Variants in TMEFF2 observed in about 807,000 individuals in gnomAD.
The protein encoded by TMEFF2 is transmembrane protein with EGF like and two follistatin like domains 2.
Under a neutral mutation model 53.8 loss-of-function variants are expected in TMEFF2, and 28 were observed. The ratio of observed to expected loss-of-function variants is 0.52; its 90% confidence interval spans 0.39 to 0.71. The LOEUF (loss-of-function observed/expected upper bound fraction) is 0.71, where lower values mean the gene tolerates loss of function less well. TMEFF2 is among the 30% of genes least tolerant of loss of function. TMEFF2 has a pLI of 0.00. For synonymous variants in TMEFF2, 162 were observed against 166.3 expected, an observed-to-expected ratio of 0.97 and a Z score of 0.20; for missense variants, 353 against 455.2, an observed-to-expected ratio of 0.78 and a Z score of 2.04.
intron 2 of TMEFF2, among the ~76,000 whole-genome samples, chr2:192,186,702 C>T (rs2106043557): frequency 6.6e-6 from 1 of 152,266 alleles, no homozygotes; most frequent in East Asian, 1.9e-4. Context: ...ACCTTTCAAT[C>T]TCCATCTCCA....
At chr2:191,978,035 C>T (rs1685772601) in intron 7 of TMEFF2, among the ~76,000 whole-genome samples, 1 of 152,170 alleles carries the variant, frequency 6.6e-6, no homozygotes, top group Non-Finnish European at 1.5e-5. Context: ...CATGTCAGCA[C>T]TTTTAGCAGA....
chr2:192,101,453 T>C (rs1689029967), intron 4 of TMEFF2, among the ~76,000 whole-genome samples: 2 of 152,240 alleles, frequency 1.3e-5, no homozygotes, highest in Admixed American at 1.3e-4. Context: ...TGGTATTTGT[T>C]AACTTTTTAA....
chr2:192,121,648 T>C (rs928968176), intron 4 of TMEFF2, among the ~76,000 whole-genome samples: 1 of 152,208 alleles, frequency 6.6e-6, no homozygotes, highest in Admixed American at 6.5e-5. Flanking sequence ...GTAATACTGC[T>C]GGTTTTAGGA....
intron 7 of TMEFF2, among the ~76,000 whole-genome samples, chr2:191,990,317 T>C (rs1490620050): frequency 6.6e-6 from 1 of 152,158 alleles, no homozygotes; most frequent in Non-Finnish European, 1.5e-5. Flanking sequence ...ATCATTAAGA[T>C]GTGAGAACTG....
chr2:192,084,458 A>C (rs1308385277), intron 4 of TMEFF2, among the ~76,000 whole-genome samples: 1 of 152,144 alleles, frequency 6.6e-6, no homozygotes, highest in East Asian at 1.9e-4. Flanking sequence ...TCCATGTAAA[A>C]AAAAGGGCAA....
chr2:192,190,017 C>T (rs1209213446), intron 2 of TMEFF2, among the ~76,000 whole-genome samples: 1 of 152,206 alleles, frequency 6.6e-6, no homozygotes, highest in Non-Finnish European at 1.5e-5. Context: ...ACTCCCCCAT[C>T]TATTCCACTT....
chr2:191,974,268 T>TTGTGTG (rs1419946920), intron 7 of TMEFF2, among the ~76,000 whole-genome samples: 1 of 150,072 alleles, frequency 6.7e-6, no homozygotes, highest in Non-Finnish European at 1.5e-5. Context: ...AGAATTTTTT[T>TTGTGTG]TGTGTGTGTG....
At chr2:192,163,239 G>A (rs1019081944) in intron 4 of TMEFF2, among the ~76,000 whole-genome samples, 4 of 152,142 alleles carry the variant, frequency 2.6e-5, no homozygotes, top group South Asian at 2.1e-4. Flanking sequence ...TAGGTAAAGC[G>A]CTATTGTGTG....
intron 4 of TMEFF2, among the ~76,000 whole-genome samples, chr2:192,111,664 A>C (rs1270458745): frequency 1.3e-5 from 2 of 152,198 alleles, no homozygotes; most frequent in African/African-American, 4.8e-5. Flanking sequence ...GCCAAATGTT[A>C]ATTGCCAAGA....
At chr2:192,131,254 C>A (rs561251485) in intron 4 of TMEFF2, among the ~76,000 whole-genome samples, 2 of 148,310 alleles carry the variant, frequency 1.3e-5, no homozygotes, top group African/African-American at 5.0e-5. Flanking sequence ...GTACCCCAAC[C>A]CCTTCTCTCA....
At chr2:192,114,984 C>A (rs1439180397) in intron 4 of TMEFF2, among the ~76,000 whole-genome samples, 1 of 151,814 alleles carries the variant, frequency 6.6e-6, no homozygotes, top group Non-Finnish European at 1.5e-5. Context: ...TCTTTGTCAA[C>A]TAAATATTTT....
intron 4 of TMEFF2, among the ~76,000 whole-genome samples, chr2:192,124,845 A>G (rs1689639322): frequency 1.3e-5 from 2 of 152,184 alleles, no homozygotes; most frequent in South Asian, 4.1e-4. Context: ...CCTCATTTCC[A>G]TAATTTGTCC....
chr2:191,971,671 A>G lies in TMEFF2; in HGVS notation c.746-15293T>C, dbSNP rs550071686. On this transcript the variant is annotated intron_variant, in intron 7 of 9. Coordinates refer to ENST00000272771, the MANE Select transcript of TMEFF2 (RefSeq NM_016192.4). ...CTACTCACACCTAATTAATTCATCAATAATATTCATTCATTTAAAATATTG... is the reference window on the plus strand; with the variant it reads ...CTACTCACACCTAATTAATTCATCAGTAATATTCATTCATTTAAAATATTG... Among the ~76,000 whole-genome samples, 9 of 152,316 alleles carry G rather than the reference A, an allele frequency of 5.9e-5. No homozygotes were observed. In the South Asian group the frequency reaches 1.9e-3, roughly 32 times the overall value.
chr2:192,192,207 T>C (rs548591567), intron 1 of TMEFF2, among the ~76,000 whole-genome samples: 1 of 152,346 alleles, frequency 6.6e-6, no homozygotes, highest in Admixed American at 6.5e-5. Context: ...AATTCTCCTT[T>C]AGTATCCTTT....
intron 2 of TMEFF2, among the ~76,000 whole-genome samples, chr2:192,189,124 C>T (rs991972777): frequency 2.5e-4 from 38 of 152,070 alleles, no homozygotes; most frequent in Non-Finnish European, 1.6e-4. Context: ...TATTTAAAAT[C>T]GTCTAAGAGA....
At chr2:192,060,264 G>A (rs957575030) in intron 4 of TMEFF2, among the ~76,000 whole-genome samples, 2 of 152,108 alleles carry the variant, frequency 1.3e-5, no homozygotes, top group Non-Finnish European at 2.9e-5. Flanking sequence ...AGCACCTAGA[G>A]GTTTAGTTAA....
intron 4 of TMEFF2, among the ~76,000 whole-genome samples, chr2:192,146,673 T>A (rs957733984): frequency 6.6e-6 from 1 of 151,984 alleles, no homozygotes; most frequent in East Asian, 1.9e-4. Context: ...GTGTAAGTTA[T>A]TCTCCAATTG....
intron 5 of TMEFF2, among the ~76,000 whole-genome samples, chr2:192,035,817 C>G (rs1474190739): frequency 6.6e-6 from 1 of 152,220 alleles, no homozygotes; most frequent in Non-Finnish European, 1.5e-5. Flanking sequence ...CAGAACATAA[C>G]TTTCTCTCAC....
intron 5 of TMEFF2, among the ~76,000 whole-genome samples, chr2:192,009,970 T>C (rs1006318540): frequency 6.6e-6 from 1 of 152,356 alleles, no homozygotes; most frequent in South Asian, 2.1e-4. Context: ...AGTTTTTGCA[T>C]GATTTTGATC....
Sources: allele counts gnomAD v4.1 joint callset (sites outside exome capture counted in the v4.1 genomes callset), GRCh38; gene constraint gnomAD v4.1.1; transcripts MANE v1.5; gene names NCBI Gene and HGNC (gene_info 2026-07-23, HGNC 2026-07-21).